Variants in RPTOR observed in about 807,000 individuals in gnomAD.
RPTOR encodes regulatory-associated protein of mTOR.
A neutral mutation model predicts 169.9 loss-of-function variants in RPTOR; 21 were observed. The observed-to-expected ratio is 0.12, with a 90% CI of 0.09 to 0.18. The LOEUF is 0.18. Among genes scored for constraint, RPTOR ranks in the 10% least tolerant of loss-of-function variants. The pLI is 1.00. For missense variants in RPTOR, 1,133 were observed against 1,855.9 expected, an observed-to-expected ratio of 0.61 and a Z score of 7.16; for synonymous variants, 732 against 753.2, an observed-to-expected ratio of 0.97 and a Z score of 0.46.
At chr17:80,690,306 T>G (rs2143738331) in intron 3 of RPTOR, among the ~76,000 whole-genome samples, 1 of 147,518 alleles carries the variant, frequency 6.8e-6, no homozygotes, top group Middle Eastern at 3.4e-3. Flanking sequence ...TTACTTTCTC[T>G]AAAGATAAGT....
chr17:80,849,169 T>G (rs890414397), intron 11 of RPTOR, among the ~76,000 whole-genome samples: 1 of 152,244 alleles, frequency 6.6e-6, no homozygotes, highest in Non-Finnish European at 1.5e-5. Context: ...AAGCCTTTAT[T>G]TTTGCCAAAG....
intron 5 of RPTOR, among the ~76,000 whole-genome samples, chr17:80,749,763 A>C (rs2066613573): frequency 6.6e-6 from 1 of 152,082 alleles, no homozygotes; most frequent in South Asian, 2.1e-4. Flanking sequence ...CCCAGGCTGG[A>C]GTGCAGTGGT....
At chr17:80,601,065 G>A (rs118065301) in intron 1 of RPTOR, among the ~76,000 whole-genome samples, 2,535 of 152,262 alleles carry the variant, frequency 0.017, 28 homozygotes, top group Non-Finnish European at 0.026. Context: ...ACGACATACC[G>A]TTCACCTGGT....
intron 1 of RPTOR, among the ~76,000 whole-genome samples, chr17:80,569,854 G>A (rs770103985): frequency 2.2e-4 from 34 of 152,104 alleles, no homozygotes; most frequent in Admixed American, 9.2e-4. Context: ...CGTGAGGGTC[G>A]TGGGTGCTTC....
chr17:80,883,324 G>A (rs1412552540), intron 14 of RPTOR, 95 bp from the exon 15 acceptor site: 61 of 1,071,688 alleles, frequency 5.7e-5, no homozygotes, highest in South Asian at 4.6e-4. Flanking sequence ...TGCGCCACGC[G>A]TGTCATGAAG....
At chr17:80,769,093 A>G (rs1444976019) in intron 6 of RPTOR, among the ~76,000 whole-genome samples, 1 of 152,138 alleles carries the variant, frequency 6.6e-6, no homozygotes, top group Non-Finnish European at 1.5e-5. Context: ...ACCTGTATGG[A>G]GGGTGGCATG....
At chr17:80,872,803 T>C (rs1598367935) in intron 13 of RPTOR, among the ~76,000 whole-genome samples, 1 of 151,732 alleles carries the variant, frequency 6.6e-6, no homozygotes, top group Non-Finnish European at 1.5e-5. Flanking sequence ...CCCTGGCAGG[T>C]GGAGGTAGCA....
intron 28 of RPTOR, among the ~76,000 whole-genome samples, chr17:80,953,391 C>T (rs539980695): frequency 2.6e-5 from 4 of 152,364 alleles, no homozygotes; most frequent in Admixed American, 2.0e-4. Context: ...CTACCTCAGC[C>T]TCCTGAGTAG....
At chr17:80,946,652 A>G (rs2069107635) in intron 26 of RPTOR, among the ~76,000 whole-genome samples, 1 of 152,222 alleles carries the variant, frequency 6.6e-6, no homozygotes, top group African/African-American at 2.4e-5. Flanking sequence ...GCACGTCAGA[A>G]TTTCCTTTTC....
At chr17:80,742,012 C>T (rs1432685510) in intron 5 of RPTOR, among the ~76,000 whole-genome samples, 3 of 152,096 alleles carry the variant, frequency 2.0e-5, no homozygotes, top group East Asian at 1.9e-4. Context: ...GCGGCTCACA[C>T]GAGGAGGACT....
chr17:80,654,514 C>G (rs967780967), intron 3 of RPTOR, among the ~76,000 whole-genome samples: 1 of 152,194 alleles, frequency 6.6e-6, no homozygotes, highest in African/African-American at 2.4e-5. Context: ...TGAGGCTGCC[C>G]TCTAGAATCA....
chr17:80,825,407 C>CGTGGCGAGGCCAGTG (rs2067431133), intron 9 of RPTOR, among the ~76,000 whole-genome samples: 1 of 152,266 alleles, frequency 6.6e-6, no homozygotes, highest in African/African-American at 2.4e-5. Context: ...CTAGAGACTG[C>CGTGGCGAGGCCAGTG]TTTCTAGGAC....
intron 13 of RPTOR, among the ~76,000 whole-genome samples, chr17:80,874,343 C>T (rs1166592483): frequency 1.3e-5 from 2 of 152,040 alleles, no homozygotes; most frequent in African/African-American, 4.8e-5. Context: ...ACCACAGGCG[C>T]GTGCCACCAC....
chr17:80,913,343 T>C (rs1470315843), intron 21 of RPTOR, among the ~76,000 whole-genome samples: 1 of 151,086 alleles, frequency 6.6e-6, no homozygotes, highest in Non-Finnish European at 1.5e-5. Flanking sequence ...GCTCCAGAGC[T>C]GTGGTCTGAT....
chr17:80,836,171 C>T lies in RPTOR; in HGVS notation c.1137-1751C>T, dbSNP rs1017028963. 2.6e-5 allele frequency among the ~76,000 whole-genome samples: 4 copies of T among 152,330 alleles called. No individual in the cohort carries two copies. The East Asian group carries it at 7.7e-4, about 29-fold the overall frequency. ...TCATCCTCCGGGCGAGGCAGCGAGG[C>T]AGGCAGGTCAGCCGCTCCCTGGGCC... On this transcript the variant is annotated intron_variant, in intron 9 of 33. Coordinates refer to ENST00000306801, the MANE Select transcript of RPTOR (RefSeq NM_020761.3).
intron 7 of RPTOR, among the ~76,000 whole-genome samples, chr17:80,795,812 G>A (rs1246373020): frequency 6.6e-6 from 1 of 152,178 alleles, no homozygotes; most frequent in East Asian, 1.9e-4. Context: ...GGCAGCAGCA[G>A]TGCCGAGGGC....
At chr17:80,579,467 T>C (rs2064995932) in intron 1 of RPTOR, among the ~76,000 whole-genome samples, 1 of 152,146 alleles carries the variant, frequency 6.6e-6, no homozygotes. Context: ...GCTGGGATCA[T>C]AGGCGTGAGC....
At chr17:80,901,897 A>G (rs936186102) in intron 20 of RPTOR, among the ~76,000 whole-genome samples, 2 of 151,590 alleles carry the variant, frequency 1.3e-5, no homozygotes, top group Non-Finnish European at 2.9e-5. Flanking sequence ...TCCCCGTGGC[A>G]ATGAAGCCCC....
At chr17:80,601,553 G>GGCTTTTTTTTTTT (rs1567814617) in intron 1 of RPTOR, among the ~76,000 whole-genome samples, 2 of 8,656 alleles carry the variant, frequency 2.3e-4, no homozygotes, top group African/African-American at 5.2e-4. Flanking sequence ...AGATGGTTCA[G>GGCTTTTTTTTTTT]TCTTTTTTTT....
Sources: allele counts gnomAD v4.1 joint callset (sites outside exome capture counted in the v4.1 genomes callset), GRCh38; gene constraint gnomAD v4.1.1; transcripts MANE v1.5; gene names NCBI Gene and HGNC (gene_info 2026-07-23, HGNC 2026-07-21).